The following PKNOX2 variants were observed in gnomAD, a reference collection of about 807,000 sequenced individuals.
The protein encoded by PKNOX2 is PBX/knotted 1 homeobox 2, also known as homeobox protein PKNOX2.
In PKNOX2, 14 loss-of-function variants were observed where a neutral mutation model predicts 53.1. The ratio of observed to expected loss-of-function variants is 0.26; its 90% confidence interval spans 0.17 to 0.41. The LOEUF (loss-of-function observed/expected upper bound fraction) is 0.41, where lower values mean the gene tolerates loss of function less well. PKNOX2 is among the 10% of genes least tolerant of loss of function. The pLI is 1.00. For synonymous variants in PKNOX2, 257 were observed against 242.8 expected (o/e 1.06, Z -0.54); for missense variants, 496 against 602.8 (o/e 0.82, Z 1.85).
At chr11:125,378,059 C>T (rs1003254715) in intron 5 of PKNOX2, among the ~76,000 whole-genome samples, 1 of 152,184 alleles carries the variant, frequency 6.6e-6, no homozygotes, top group African/African-American at 2.4e-5. Context: ...AACAGATGCC[C>T]CAGGAAGGGG....
At chr11:125,351,564 C>T (rs1238716111) in intron 4 of PKNOX2, among the ~76,000 whole-genome samples, 172 bp downstream of exon 4, 2 of 152,114 alleles carry the variant, frequency 1.3e-5, no homozygotes, top group East Asian at 1.9e-4. Flanking sequence ...AGCGAGAGCC[C>T]TGCAAACACA....
At chr11:125,409,843 T>C (rs375568120) in intron 7 of PKNOX2, among the ~76,000 whole-genome samples, 2 of 152,252 alleles carry the variant, frequency 1.3e-5, no homozygotes, top group East Asian at 3.9e-4. Context: ...GACACACTCC[T>C]GAACAATTAA....
chr11:125,390,382 G>A (rs1286236092), intron 6 of PKNOX2, among the ~76,000 whole-genome samples: 1 of 152,230 alleles, frequency 6.6e-6, no homozygotes, highest in Non-Finnish European at 1.5e-5. Context: ...CAGCTCTGGA[G>A]CTAATATCTT....
intron 1 of PKNOX2, among the ~76,000 whole-genome samples, chr11:125,182,986 G>A (rs1405124002): frequency 6.6e-6 from 1 of 152,190 alleles, no homozygotes; most frequent in African/African-American, 2.4e-5. Context: ...ACTTGCAAGA[G>A]GGACCGTGGA....
At chr11:125,304,280 C>G (rs1006566248) in intron 2 of PKNOX2, among the ~76,000 whole-genome samples, 5 of 152,256 alleles carry the variant, frequency 3.3e-5, no homozygotes, top group African/African-American at 9.6e-5. Flanking sequence ...ATTCCCCTTC[C>G]CTGGAAACCC....
At chr11:125,274,093 G>A (rs1027434846) in intron 2 of PKNOX2, among the ~76,000 whole-genome samples, 2 of 152,178 alleles carry the variant, frequency 1.3e-5, no homozygotes, top group Non-Finnish European at 2.9e-5. Context: ...TGTGTATTCT[G>A]TGCCTAAAGC....
At chr11:125,183,407 G>T (rs566010536) in intron 1 of PKNOX2, among the ~76,000 whole-genome samples, 1 of 134,094 alleles carries the variant, frequency 7.5e-6, no homozygotes, top group Non-Finnish European at 1.6e-5. Flanking sequence ...TAGTAGAGAC[G>T]GGGTTTCACC....
intron 6 of PKNOX2, among the ~76,000 whole-genome samples, chr11:125,389,131 G>T (rs1953856805): frequency 6.6e-6 from 1 of 152,142 alleles, no homozygotes; most frequent in Non-Finnish European, 1.5e-5. Flanking sequence ...GTAGGCAGAG[G>T]TTGCAGTGAG....
chr11:125,217,998 G>C (rs796282155), intron 1 of PKNOX2, among the ~76,000 whole-genome samples: 2 of 152,336 alleles, frequency 1.3e-5, no homozygotes, highest in African/African-American at 4.8e-5. Context: ...CCCATGCAGA[G>C]ACAGACGGCC....
intron 2 of PKNOX2, among the ~76,000 whole-genome samples, chr11:125,305,158 G>T (rs2135977201): frequency 6.6e-6 from 1 of 152,280 alleles, no homozygotes; most frequent in East Asian, 1.9e-4. Flanking sequence ...GATGATCTGG[G>T]TGGGCAGTAG....
chr11:125,408,094 C>T (rs1048087550), intron 7 of PKNOX2, among the ~76,000 whole-genome samples: 2 of 152,172 alleles, frequency 1.3e-5, no homozygotes, highest in Admixed American at 1.3e-4. Flanking sequence ...AGCCCAGAAC[C>T]GGTGTAGGGG....
intron 1 of PKNOX2, among the ~76,000 whole-genome samples, chr11:125,231,175 G>A (rs549094429): frequency 3.3e-5 from 5 of 152,252 alleles, no homozygotes; most frequent in South Asian, 4.1e-4. Context: ...CTGACCCCCC[G>A]GTCTGGTGCT....
intron 2 of PKNOX2, among the ~76,000 whole-genome samples, chr11:125,283,297 T>C (rs1946691089): frequency 6.6e-6 from 1 of 152,220 alleles, no homozygotes; most frequent in Admixed American, 6.5e-5. Flanking sequence ...AACAGGGAAA[T>C]GAATGGGTAA....
In PKNOX2 at chr11:125,166,959, G is replaced by C. The variant is rs901273427; in HGVS notation, c.-201+2183G>C. On this transcript the variant is annotated intron_variant, in intron 1 of 12. Coordinates refer to ENST00000298282, the MANE Select transcript of PKNOX2 (RefSeq NM_001382323.2). This position sits in a 1 kb window ranked among gnomAD's most constrained non-coding sequence, Gnocchi z 4.0. ...GAATGATGGTGTTCAAACATAACAC[G>C]GTGTATTACCCAAAGCCCCTGCCCT... Among the ~76,000 whole-genome samples, 5 of 152,122 alleles carry C rather than the reference G, an allele frequency of 3.3e-5. No individual in the cohort carries two copies. Among genetic ancestry groups the C allele is most frequent in the Admixed American group, 3.3e-4 (5 of 15,278 alleles).
In PKNOX2 at chr11:125,242,240, G is replaced by A. The variant is rs192152934; in HGVS notation, c.-130+7125G>A. Among the ~76,000 whole-genome samples the A allele has an allele frequency of 2.9e-3, 437 of 152,274 alleles. 3 individuals carry two copies. Among genetic ancestry groups the A allele is most frequent in the South Asian group, 5.8e-3 (28 of 4,824 alleles). ...GAACTGAGGCTGGCCTGTTGTCATC[G>A]GAGGGCAAGGCAGTGTTGGTCTGTA... On this transcript the variant is annotated intron_variant, in intron 2 of 12. Coordinates refer to ENST00000298282, the MANE Select transcript of PKNOX2 (RefSeq NM_001382323.2).
chr11:125,339,846 T>C (rs1170712509), intron 3 of PKNOX2, among the ~76,000 whole-genome samples: 1 of 152,230 alleles, frequency 6.6e-6, no homozygotes, highest in Non-Finnish European at 1.5e-5. Flanking sequence ...TGAGATGCAG[T>C]CTTCAGCCAT....
intron 1 of PKNOX2, among the ~76,000 whole-genome samples, chr11:125,180,634 A>G (rs963066317): frequency 3.4e-5 from 5 of 148,514 alleles, no homozygotes; most frequent in African/African-American, 1.2e-4. Flanking sequence ...GATTTACTCC[A>G]GGACTCTTCA....
At chr11:125,358,763 C>T (rs1951757658) in intron 4 of PKNOX2, among the ~76,000 whole-genome samples, 1 of 152,218 alleles carries the variant, frequency 6.6e-6, no homozygotes, top group South Asian at 2.1e-4. Context: ...TGGCCTCTCC[C>T]AGGATTTGGG....
intron 5 of PKNOX2, among the ~76,000 whole-genome samples, chr11:125,372,802 T>C (rs1952628242): frequency 6.6e-6 from 1 of 152,232 alleles, no homozygotes; most frequent in Non-Finnish European, 1.5e-5. Context: ...ACACCATGTG[T>C]CTAGTTCATT....
Sources: gnomAD v4.1 joint callset for allele counts (sites outside exome capture counted in the v4.1 genomes callset) on GRCh38, gnomAD v4.1.1 for gene constraint, Gnocchi (gnomAD v3.1) non-coding constraint, MANE v1.5 for transcripts, NCBI Gene and HGNC (gene_info 2026-07-23, HGNC 2026-07-21) for gene names.